The following BACC1 variants were observed in gnomAD, a reference collection of about 807,000 sequenced individuals.
BACC1 encodes the protein BPTF associated chromatin complex component 1, also known as BPTF-associated chromatin complex component 1.
At chr17:7,016,949 GTGACGTGGTGGATAT>G in the BACC1 span, 1 of 1,614,134 alleles carries the variant, frequency 6.2e-7, no homozygotes, top group South Asian at 1.1e-5. Context: ...GATGCCAACA[GTGACGTGGTGGATAT>G]TGAAGGGCTA....
the BACC1 span, chr17:7,015,203 G>C: frequency 3.9e-6 from 6 of 1,521,406 alleles, no homozygotes; most frequent in African/African-American, 8.6e-5. Flanking sequence ...CGGGCGCTTG[G>C]ACTCGGTCAC....
the BACC1 span, chr17:7,016,600 C>G: frequency 6.2e-7 from 1 of 1,614,142 alleles, no homozygotes; most frequent in Non-Finnish European, 8.5e-7. Context: ...CATCTGGTGT[C>G]TTGTCACCTC....
At chr17:7,016,068 ATCCT>A in the BACC1 span, 1 of 581,270 alleles carries the variant, frequency 1.7e-6, no homozygotes, top group Middle Eastern at 4.5e-4. Flanking sequence ...TGCTGTGGTA[ATCCT>A]TCCAAGAATG....
chr17:7,015,651 A>G, the BACC1 span: 1 of 1,327,852 alleles, frequency 7.5e-7, no homozygotes, highest in South Asian at 1.4e-5. Flanking sequence ...CTCTTTATGC[A>G]TCCGTGGAAG....
the BACC1 span, chr17:7,017,403 G>A: frequency 4.4e-6 from 6 of 1,353,630 alleles, no homozygotes; most frequent in Non-Finnish European, 6.4e-6. Flanking sequence ...ACGAGAGAGG[G>A]CTGAAAGGCT....
the BACC1 span, chr17:7,016,266 A>G: frequency 1.8e-6 from 1 of 556,274 alleles, no homozygotes; most frequent in African/African-American, 1.9e-5. Context: ...CTCCCAGAAG[A>G]GAATTAGGAG....
chr17:7,017,011 C>G, the BACC1 span: 2 of 1,611,008 alleles, frequency 1.2e-6, no homozygotes, highest in South Asian at 1.1e-5. Context: ...CAACTTCGAC[C>G]AGGGTAGGAG....
chr17:7,015,953 A>G, the BACC1 span: 1 of 1,208,762 alleles, frequency 8.3e-7, no homozygotes, highest in Non-Finnish European at 1.2e-6. Flanking sequence ...CGTCCTCAGA[A>G]CTCCTTTCCA....
chr17:7,014,850 G>T, the BACC1 span: 26 of 1,533,324 alleles, frequency 1.7e-5, no homozygotes, highest in Non-Finnish European at 2.2e-5. This position sits in a 1 kb window ranked among gnomAD's most constrained non-coding sequence, Gnocchi z 4.5. Context: ...GAGGAGGCGC[G>T]CGGGGCCATG....
the BACC1 span, chr17:7,016,688 G>A: frequency 6.2e-7 from 1 of 1,604,780 alleles, no homozygotes; most frequent in Non-Finnish European, 8.5e-7. Context: ...GAAGGCTGGT[G>A]AGGGCTGTGG....
At chr17:7,015,151 T>C in the BACC1 span, 1 of 1,574,502 alleles carries the variant, frequency 6.4e-7, no homozygotes, top group Non-Finnish European at 8.6e-7. Context: ...ACTCTTCTCC[T>C]GCGGGGTACG....
chr17:7,015,883 AGGGTGGCTGCCAGAAAAGGGC>A, the BACC1 span: 3 of 1,611,328 alleles, frequency 1.9e-6, no homozygotes, highest in African/African-American at 4.0e-5. Context: ...AGTGTGAGGG[AGGGTGGCTGCCAGAAAAGGGC>A]GGGTGGGCAG....
the BACC1 span, chr17:7,015,347 C>G: frequency 6.6e-6 from 9 of 1,373,662 alleles, no homozygotes; most frequent in Non-Finnish European, 7.5e-6. Context: ...AGGCCCATAG[C>G]CCAGACTCCT....
chr17:7,015,107 G>A, the BACC1 span: 1 of 1,580,164 alleles, frequency 6.3e-7, no homozygotes, highest in Non-Finnish European at 8.5e-7. Context: ...CACGAAGCTC[G>A]GGGAGCTGAC....
chr17:7,016,891 G>T, the BACC1 span: 12 of 1,605,828 alleles, frequency 7.5e-6, no homozygotes, highest in South Asian at 1.3e-4. Flanking sequence ...CTAGAACCTA[G>T]CTTATGCCCC....
At chr17:7,015,422 G>A in the BACC1 span, 1 of 1,368,190 alleles carries the variant, frequency 7.3e-7, no homozygotes, top group South Asian at 1.8e-5. Context: ...AACCACCCCA[G>A]TTCATGGAAT....
At chr17:7,016,932 C>T in the BACC1 span, 22 of 1,613,870 alleles carry the variant, frequency 1.4e-5, no homozygotes, top group East Asian at 2.2e-5. Context: ...GTGCTCTGAA[C>T]GACTCCGATG....
At chr17:7,016,424 T>A in the BACC1 span, 1 of 1,527,886 alleles carries the variant, frequency 6.5e-7, no homozygotes, top group Non-Finnish European at 8.9e-7. Context: ...CAGAACCCCT[T>A]CCCCTCCCGT....
the BACC1 span, chr17:7,015,773 G>A: frequency 9.9e-6 from 16 of 1,613,672 alleles, no homozygotes; most frequent in Non-Finnish European, 1.2e-5. Context: ...CCTTCTGACA[G>A]TGCGAAGTGG....
Sources: gnomAD v4.1 joint callset for allele counts on GRCh38, gnomAD v4.1.1 for gene constraint, Gnocchi (gnomAD v3.1) non-coding constraint, MANE v1.5 for transcripts, NCBI Gene and HGNC (gene_info 2026-07-23, HGNC 2026-07-21) for gene names.